WDR72: variants seen among roughly 807,000 people sequenced by gnomAD.
WDR72 encodes the protein WD repeat domain 72, also known as WD repeat-containing protein 72.
WDR72 carries 120 observed loss-of-function variants against 124.2 expected under a neutral mutation model. That is an observed-to-expected ratio of 0.97 (90% confidence interval 0.83 to 1.12). WDR72 has a LOEUF of 1.12. Among genes scored for constraint, WDR72 ranks in the 50% most tolerant of loss-of-function variants. WDR72 has a pLI of 0.00. For missense variants in WDR72, 1,387 were observed against 1,278.8 expected (o/e 1.08, Z -1.29); for synonymous variants, 452 against 441.7 (o/e 1.02, Z -0.29).
intron 13 of WDR72, among the ~76,000 whole-genome samples, chr15:53,667,757 T>C (rs76905245): frequency 0.014 from 2,096 of 152,294 alleles, 54 homozygotes; most frequent in African/African-American, 0.048. Flanking sequence ...TTTTGAGAAT[T>C]ATTGGGAAAG....
intron 5 of WDR72, among the ~76,000 whole-genome samples, chr15:53,714,719 G>A (rs1303340877): frequency 6.6e-6 from 1 of 152,144 alleles, no homozygotes; most frequent in African/African-American, 2.4e-5. Context: ...GGTATAAGAA[G>A]AGCACCACTA....
At chr15:53,621,192 G>A (rs967188797) in intron 14 of WDR72, among the ~76,000 whole-genome samples, 2 of 151,922 alleles carry the variant, frequency 1.3e-5, no homozygotes, top group South Asian at 2.1e-4. Flanking sequence ...CACTGCTGGT[G>A]GGAATGTAAA....
chr15:53,569,942 G>A (rs1218077600), intron 18 of WDR72, among the ~76,000 whole-genome samples: 1 of 152,032 alleles, frequency 6.6e-6, no homozygotes, highest in African/African-American at 2.4e-5. Flanking sequence ...ATGTAACGGT[G>A]ATTCACACTT....
At chr15:53,712,101 G>A (rs905423732) in intron 7 of WDR72, among the ~76,000 whole-genome samples, 1 of 152,160 alleles carries the variant, frequency 6.6e-6, no homozygotes. Context: ...CTATGTAGGT[G>A]AAAAGTATAT....
At chr15:53,596,973 C>T (rs2012806611) in intron 18 of WDR72, 106 bp downstream of exon 18, 4 of 1,084,558 alleles carry the variant, frequency 3.7e-6, no homozygotes, top group Non-Finnish European at 5.6e-6. Flanking sequence ...ATCACTTGTG[C>T]ACCATGATAT....
At chr15:53,694,894 G>C (rs2016955549) in intron 13 of WDR72, among the ~76,000 whole-genome samples, 1 of 152,132 alleles carries the variant, frequency 6.6e-6, no homozygotes, top group Admixed American at 6.5e-5. Flanking sequence ...GTAAACTATA[G>C]ATGCAGGCCA....
chr15:53,736,898 G>C (rs1224896236), intron 1 of WDR72, among the ~76,000 whole-genome samples: 1 of 151,670 alleles, frequency 6.6e-6, no homozygotes, highest in African/African-American at 2.4e-5. Context: ...CTTACTGTTA[G>C]AAAAAAAGAG....
intron 13 of WDR72, among the ~76,000 whole-genome samples, chr15:53,688,073 AGAGCTATCT>A (rs947968032): frequency 1.9e-4 from 28 of 147,360 alleles, no homozygotes; most frequent in African/African-American, 7.0e-4. Flanking sequence ...CAAAATAATA[AGAGCTATCT>A]ATGACAAACC....
At chr15:53,576,612 A>T (rs2011629629) in intron 18 of WDR72, among the ~76,000 whole-genome samples, 1 of 152,100 alleles carries the variant, frequency 6.6e-6, no homozygotes, top group African/African-American at 2.4e-5. Flanking sequence ...CCCTAAAAAT[A>T]CACACATACA....
chr15:53,520,748 G>A (rs1422515886), intron 19 of WDR72, among the ~76,000 whole-genome samples: 1 of 152,002 alleles, frequency 6.6e-6, no homozygotes, highest in Non-Finnish European at 1.5e-5. Flanking sequence ...ATATTTTGAA[G>A]TTAACGTTTG....
At chr15:53,724,857 A>C (rs919223603) in intron 2 of WDR72, among the ~76,000 whole-genome samples, 4 of 152,222 alleles carry the variant, frequency 2.6e-5, no homozygotes, top group African/African-American at 9.6e-5. Flanking sequence ...AACGACTAAA[A>C]TTCCATTAGT....
chr15:53,708,245 G>T (rs2017439149), intron 9 of WDR72, among the ~76,000 whole-genome samples: 1 of 152,122 alleles, frequency 6.6e-6, no homozygotes. Context: ...TGAAATCCCT[G>T]GGGCTAACTG....
chr15:53,644,469 C>T (rs1481728307), intron 14 of WDR72, among the ~76,000 whole-genome samples: 1 of 152,036 alleles, frequency 6.6e-6, no homozygotes, highest in Admixed American at 6.6e-5. Flanking sequence ...GAGCTGTGCT[C>T]ATACTGCACC....
intron 18 of WDR72, among the ~76,000 whole-genome samples, chr15:53,529,433 C>G (rs1566944010): frequency 6.6e-6 from 1 of 151,820 alleles, no homozygotes; most frequent in Non-Finnish European, 1.5e-5. Flanking sequence ...CTCAAATATT[C>G]TGCCAGCTAA....
At chr15:53,717,568 T>C (rs553077191) in intron 3 of WDR72, among the ~76,000 whole-genome samples, 8 of 152,286 alleles carry the variant, frequency 5.3e-5, no homozygotes, top group Admixed American at 1.3e-4. Flanking sequence ...GTTCTTAAAA[T>C]GGGGCAATTT....
chr15:53,639,817 T>G (rs1175459578), intron 14 of WDR72, among the ~76,000 whole-genome samples: 1 of 151,950 alleles, frequency 6.6e-6, no homozygotes, highest in African/African-American at 2.4e-5. Context: ...CCCTAAACCT[T>G]TAATAATCTG....
Position 53,707,310 on chromosome 15 carries a change from C to G in WDR72, c.955-1236G>C, listed in dbSNP as rs761674329. On this transcript the variant is annotated intron_variant, in intron 9 of 19. Transcript: ENST00000360509. ...GTAGTAAGTAAACATTGCTATTATC[C>G]TGATATGAAAATAGGGAAACTATCA... Among the ~76,000 whole-genome samples, 3 of 152,104 alleles carry G rather than the reference C, an allele frequency of 2.0e-5. 1 individual carries two copies. Among genetic ancestry groups the G allele is most frequent in the Middle Eastern group, 6.3e-3 (2 of 316 alleles).
rs10549551 is a variant in WDR72 at position 53,657,263 on chromosome 15, C to CAA, written c.1962+8307_1962+8308dup. 7.8e-4 allele frequency among the ~76,000 whole-genome samples: 44 copies of CAA among 56,392 alleles called. 3 individuals carry two copies. The highest frequency in any genetic ancestry group is 5.9e-3 in the East Asian group (8 of 1,362). 37.0% of individuals were successfully genotyped at this position (56,392 alleles called of 152,430 possible). On this transcript the variant is annotated intron_variant, in intron 14 of 19. Transcript: ENST00000360509. The stretch of plus-strand genomic sequence containing the variant: ...TGGGCAAAAGAGCGAGACTCCATCT[C>CAA]AAAAAAAAAAAAAAAAAAAAAAAAA...
At chr15:53,540,694 G>A (rs907190580) in intron 18 of WDR72, among the ~76,000 whole-genome samples, 4 of 152,136 alleles carry the variant, frequency 2.6e-5, no homozygotes, top group African/African-American at 9.7e-5. Context: ...CGTGAGCGAC[G>A]CAGAAGACGG....
Sources: gnomAD v4.1 joint callset for allele counts (sites outside exome capture counted in the v4.1 genomes callset) on GRCh38, gnomAD v4.1.1 for gene constraint, MANE v1.5 for transcripts, NCBI Gene and HGNC (gene_info 2026-07-23, HGNC 2026-07-21) for gene names.